The following TRAPPC9 variants were observed in gnomAD, a reference collection of about 807,000 sequenced individuals.
TRAPPC9 encodes trafficking protein particle complex subunit 9, also known as IKK2 binding protein.
In TRAPPC9, 83 loss-of-function variants were observed where a neutral mutation model predicts 124.0. That is an observed-to-expected ratio of 0.67 (90% CI 0.56 to 0.80). TRAPPC9 has a LOEUF of 0.80. Among genes scored for constraint, TRAPPC9 ranks in the 30% least tolerant of loss-of-function variants. The pLI, the probability that TRAPPC9 is intolerant of heterozygous loss-of-function variation, is 0.00. For synonymous variants in TRAPPC9, 638 were observed against 617.5 expected (o/e 1.03, Z -0.49); for missense variants, 1,302 against 1,508.3 (o/e 0.86, Z 2.27).
chr8:139,923,057 T>C (rs1832605110), intron 19 of TRAPPC9, among the ~76,000 whole-genome samples: 1 of 151,292 alleles, frequency 6.6e-6, no homozygotes, highest in Admixed American at 6.6e-5. Context: ...GAGCTGCAGA[T>C]GGGCCGGACT....
intron 5 of TRAPPC9, among the ~76,000 whole-genome samples, chr8:140,415,324 T>A (rs771621537): frequency 3.3e-5 from 5 of 151,612 alleles, no homozygotes; most frequent in Non-Finnish European, 7.4e-5. Flanking sequence ...GAGGCCAAGG[T>A]GGCCAGATCA....
At chr8:140,444,838 G>A (rs571514515) in intron 2 of TRAPPC9, among the ~76,000 whole-genome samples, 17 of 145,186 alleles carry the variant, frequency 1.2e-4, no homozygotes, top group South Asian at 2.2e-4. Context: ...ATTCCAGCAC[G>A]GGCAACAAGA....
chr8:140,411,253 T>C (rs1005481126), intron 5 of TRAPPC9, among the ~76,000 whole-genome samples: 3 of 152,350 alleles, frequency 2.0e-5, no homozygotes, highest in Middle Eastern at 3.4e-3. Flanking sequence ...GGTTTCTAAA[T>C]ACCACTTTCC....
intron 4 of TRAPPC9, among the ~76,000 whole-genome samples, chr8:140,429,322 C>T (rs1479892462): frequency 1.3e-5 from 2 of 152,022 alleles, no homozygotes; most frequent in East Asian, 3.9e-4. Context: ...GAACTCCTGA[C>T]CTCGTGATCT....
intron 19 of TRAPPC9, among the ~76,000 whole-genome samples, chr8:139,920,794 G>A (rs1224432796): frequency 1.3e-5 from 2 of 152,358 alleles, no homozygotes; most frequent in African/African-American, 2.4e-5. Flanking sequence ...TGCAGAGGCA[G>A]CTAAGTTACA....
chr8:140,342,955 C>G (rs931919955), intron 9 of TRAPPC9, among the ~76,000 whole-genome samples: 1 of 152,182 alleles, frequency 6.6e-6, no homozygotes, highest in Non-Finnish European at 1.5e-5. Flanking sequence ...GTAGGGCTTT[C>G]AACCCGAACC....
At chr8:140,337,711 G>A (rs1370945975) in intron 9 of TRAPPC9, among the ~76,000 whole-genome samples, 5 of 152,214 alleles carry the variant, frequency 3.3e-5, no homozygotes, top group East Asian at 1.9e-4. Flanking sequence ...AGATGGGCAC[G>A]TGATCAGCGG....
At chr8:140,393,528 T>C (rs1372432047) in intron 7 of TRAPPC9, among the ~76,000 whole-genome samples, 1 of 152,182 alleles carries the variant, frequency 6.6e-6, no homozygotes, top group Non-Finnish European at 1.5e-5. Flanking sequence ...GGTCAATCCA[T>C]ATCCCTGCAC....
intron 21 of TRAPPC9, among the ~76,000 whole-genome samples, chr8:139,758,149 C>G (rs1051295819): frequency 6.6e-5 from 10 of 152,180 alleles, no homozygotes; most frequent in Admixed American, 2.6e-4. Context: ...GCCAAGCGCT[C>G]GGGCCTGGGA....
intron 18 of TRAPPC9, among the ~76,000 whole-genome samples, chr8:139,992,192 C>CA (rs1405228985): frequency 1.3e-5 from 2 of 152,050 alleles, no homozygotes; most frequent in African/African-American, 4.8e-5. Context: ...ACACAGTCCA[C>CA]AACACAGGTA....
intron 3 of TRAPPC9, 21 bp from the exon 4 acceptor site, chr8:140,435,261 AAAC>A (rs752376995): frequency 1.5e-4 from 19 of 129,290 alleles, no homozygotes; most frequent in Middle Eastern, 4.7e-3. Flanking sequence ...AGAAAACAAA[AAAC>A]AAAAACCAGA....
intron 17 of TRAPPC9, among the ~76,000 whole-genome samples, chr8:140,206,594 G>T (rs2062922769): frequency 6.6e-6 from 1 of 152,022 alleles, no homozygotes; most frequent in African/African-American, 2.4e-5. Context: ...GTCTTAAGGT[G>T]GCTCCACAGT....
chr8:140,311,174 T>C, intron 10 of TRAPPC9, 74 bp downstream of exon 10: 6 of 1,575,914 alleles, frequency 3.8e-6, no homozygotes, highest in South Asian at 1.1e-5. Context: ...TCTAAAGATC[T>C]CTATTCACAA....
At position 140,371,072 on chromosome 8, in the gene TRAPPC9, A is replaced by ACTGCATGGCGGCCACGCG. The variant is rs775832118; in HGVS notation, c.1225_1242dup (p.Arg409_Gln414dup). On this transcript the variant is annotated inframe_insertion, in exon 8 of 23. Coordinates refer to ENST00000438773, the MANE Select transcript of TRAPPC9 (RefSeq NM_001160372.4). Reference sequence around the variant, plus strand: ...GGCTCCGCGATGCTTGGGGCCACGCACTGCATGGCGGCCACGCGCTTGAAG... The same window carrying ACTGCATGGCGGCCACGCG: ...GGCTCCGCGATGCTTGGGGCCACGCACTGCATGGCGGCCACGCGCTGCATGGCGGCCACGCGCTTGAAG... The ACTGCATGGCGGCCACGCG allele has an allele frequency of 5.0e-6, 8 of 1,614,150 alleles. No individual in the cohort carries two copies. Among genetic ancestry groups the ACTGCATGGCGGCCACGCG allele is most frequent in the Non-Finnish European group, 5.9e-6 (7 of 1,180,056 alleles).
chr8:140,391,879 T>C (rs888773810), intron 7 of TRAPPC9, among the ~76,000 whole-genome samples: 2 of 151,466 alleles, frequency 1.3e-5, no homozygotes, highest in Non-Finnish European at 2.9e-5. Flanking sequence ...ATACAAAAAT[T>C]AGCCGGGTGT....
At chr8:139,980,419 C>G (rs554665150) in intron 19 of TRAPPC9, among the ~76,000 whole-genome samples, 2 of 152,302 alleles carry the variant, frequency 1.3e-5, no homozygotes, top group African/African-American at 4.8e-5. Context: ...TGGGTCCGGT[C>G]ACCTCCACAA....
chr8:140,253,045 T>G, intron 15 of TRAPPC9, 116 bp from the exon 16 acceptor site: 4 of 1,023,714 alleles, frequency 3.9e-6, no homozygotes, highest in Non-Finnish European at 5.8e-6. Context: ...GAAGAGCTTT[T>G]AAAATGTGTA....
chr8:139,763,761 C>T (rs953689518), intron 21 of TRAPPC9, among the ~76,000 whole-genome samples: 7 of 152,178 alleles, frequency 4.6e-5, no homozygotes, highest in Admixed American at 2.0e-4. Flanking sequence ...TCAGGGGAGA[C>T]GAGGAGTGGC....
rs1818638267 is a variant in TRAPPC9, at chr8:139,742,573, C to T, written c.3056-10371G>A. On this transcript the variant is annotated intron_variant, in intron 21 of 22. Coordinates refer to ENST00000438773, the MANE Select transcript of TRAPPC9 (RefSeq NM_001160372.4). This position sits in a 1 kb window ranked among gnomAD's most constrained non-coding sequence, Gnocchi z 4.7. ...AGGGGCCACCAGAGAGGGTCAGGAC[C>T]CAAACTTTGGGCAAGCTATGGACCC... Among the ~76,000 whole-genome samples, 2 of 152,150 alleles carry T rather than the reference C, an allele frequency of 1.3e-5. No individual in the cohort carries two copies. The highest frequency in any genetic ancestry group is 1.3e-4 in the Admixed American group (2 of 15,290).
Sources: gnomAD v4.1 joint callset for allele counts (sites outside exome capture counted in the v4.1 genomes callset) on GRCh38, gnomAD v4.1.1 for gene constraint, Gnocchi (gnomAD v3.1) non-coding constraint, MANE v1.5 for transcripts, NCBI Gene and HGNC (gene_info 2026-07-23, HGNC 2026-07-21) for gene names.